CNTNAP2: variants seen among roughly 807,000 people sequenced by gnomAD.
CNTNAP2 encodes contactin-associated protein-like 2.
CNTNAP2 carries 98 observed loss-of-function variants against 155.2 expected under a neutral mutation model. That is an observed-to-expected ratio of 0.63 (90% CI 0.54 to 0.75). The LOEUF (loss-of-function observed/expected upper bound fraction) is 0.75, where lower values mean the gene tolerates loss of function less well. CNTNAP2 is among the 30% of genes least tolerant of loss of function. The pLI is 0.00. For synonymous variants in CNTNAP2, 651 were observed against 631.2 expected (o/e 1.03, Z -0.47); for missense variants, 1,727 against 1,688.1 (o/e 1.02, Z -0.40).
chr7:146,317,481 AG>A (rs1209782864), intron 1 of CNTNAP2, among the ~76,000 whole-genome samples: 1 of 152,208 alleles, frequency 6.6e-6, no homozygotes, highest in Non-Finnish European at 1.5e-5. Context: ...TTCTTTCAGC[AG>A]TAGCAATTTA....
chr7:147,851,483 T>A, intron 13 of CNTNAP2, among the ~76,000 whole-genome samples: 1 of 152,124 alleles, frequency 6.6e-6, no homozygotes, highest in African/African-American at 2.4e-5. Context: ...GTATGTTTAT[T>A]GCAGCACTAT....
At chr7:146,567,009 A>G (rs866856215) in intron 1 of CNTNAP2, among the ~76,000 whole-genome samples, 8 of 152,216 alleles carry the variant, frequency 5.3e-5, no homozygotes, top group Non-Finnish European at 8.8e-5. Context: ...ACTACACAGG[A>G]AACTATAGAC....
rs200784353 is a variant in CNTNAP2, at chr7:146,204,188, TG to T, written c.97+87218del. Among the ~76,000 whole-genome samples, 798 of 152,236 alleles carry T rather than the reference TG, an allele frequency of 5.2e-3. 6 individuals are homozygous for T. The highest frequency in any genetic ancestry group is 0.018 in the African/African-American group (755 of 41,546). ...CTAAATTATCTATTCTAAGATTAAT[TG>T]GGCCAACAATATCTTAAGAAAAGAA... On this transcript the variant is annotated intron_variant, in intron 1 of 23. Coordinates refer to ENST00000361727, the MANE Select transcript of CNTNAP2 (RefSeq NM_014141.6).
chr7:147,279,800 C>T (rs745695014), intron 8 of CNTNAP2, among the ~76,000 whole-genome samples: 151 of 151,952 alleles, frequency 9.9e-4, no homozygotes, highest in Non-Finnish European at 1.9e-3. Context: ...AATGAAATAA[C>T]TATATGATTC....
intron 8 of CNTNAP2, among the ~76,000 whole-genome samples, chr7:147,255,642 T>A (rs1398074674): frequency 1.3e-5 from 2 of 152,204 alleles, no homozygotes; most frequent in Non-Finnish European, 2.9e-5. Flanking sequence ...ATAAAAAAAA[T>A]GGAGATAAAA....
chr7:146,119,573 A>G (rs1043695694), intron 1 of CNTNAP2, among the ~76,000 whole-genome samples: 3 of 152,158 alleles, frequency 2.0e-5, no homozygotes, highest in African/African-American at 7.2e-5. Flanking sequence ...ACACGTGGGA[A>G]GTTTAAAGAA....
chr7:147,290,398 C>T (rs576032565), intron 8 of CNTNAP2, among the ~76,000 whole-genome samples: 1 of 152,168 alleles, frequency 6.6e-6, no homozygotes, highest in East Asian at 1.9e-4. Context: ...AAATATGACA[C>T]TGGCAGGGTG....
chr7:146,768,307 A>G (rs1218700220), intron 1 of CNTNAP2, among the ~76,000 whole-genome samples: 1 of 151,510 alleles, frequency 6.6e-6, no homozygotes. Flanking sequence ...CAGTTCCTCA[A>G]GAGGTCTTTT....
intron 1 of CNTNAP2, among the ~76,000 whole-genome samples, chr7:146,378,483 T>A (rs1161935114): frequency 6.6e-6 from 1 of 152,182 alleles, no homozygotes; most frequent in Non-Finnish European, 1.5e-5. Context: ...GTACTTTATG[T>A]GCATTACCTT....
At chr7:147,686,353 T>A (rs777860240) in intron 13 of CNTNAP2, among the ~76,000 whole-genome samples, 4 of 152,042 alleles carry the variant, frequency 2.6e-5, no homozygotes, top group Non-Finnish European at 4.4e-5. Flanking sequence ...TTGGGGGAAA[T>A]GTCAGAAGTT....
chr7:146,559,850 AC>A (rs1171227589), intron 1 of CNTNAP2, among the ~76,000 whole-genome samples: 1 of 47,894 alleles, frequency 2.1e-5, no homozygotes, highest in Non-Finnish European at 4.6e-5. Flanking sequence ...TAAATTACAT[AC>A]AAAAAAAATG....
intron 13 of CNTNAP2, among the ~76,000 whole-genome samples, chr7:147,827,652 AAC>A (rs907252932): frequency 9.9e-5 from 15 of 152,148 alleles, no homozygotes; most frequent in Admixed American, 2.0e-4. Context: ...TTGGGTTTTG[AAC>A]TTGCGGAATC....
At chr7:148,029,974 T>A (rs1453127836) in intron 15 of CNTNAP2, among the ~76,000 whole-genome samples, 3 of 152,220 alleles carry the variant, frequency 2.0e-5, no homozygotes, top group African/African-American at 7.2e-5. Context: ...CTAGAATCAA[T>A]GTCTTCTTAA....
At chr7:146,818,554 C>T (rs552229882) in intron 2 of CNTNAP2, among the ~76,000 whole-genome samples, 1 of 152,028 alleles carries the variant, frequency 6.6e-6, no homozygotes, top group Non-Finnish European at 1.5e-5. Flanking sequence ...AGAAAGCACA[C>T]GATGCGGAAT....
At chr7:148,103,032 G>T (rs934639058) in intron 15 of CNTNAP2, among the ~76,000 whole-genome samples, 1 of 152,050 alleles carries the variant, frequency 6.6e-6, no homozygotes, top group African/African-American at 2.4e-5. Flanking sequence ...AATGGGGAGG[G>T]GGCTTCCAGG....
At chr7:148,146,260 T>G (rs771788191) in intron 16 of CNTNAP2, among the ~76,000 whole-genome samples, 2 of 152,210 alleles carry the variant, frequency 1.3e-5, no homozygotes, top group Non-Finnish European at 2.9e-5. Flanking sequence ...TAAGCAAAGT[T>G]AGGCACTGGT....
At chr7:147,168,184 AC>A in intron 8 of CNTNAP2, among the ~76,000 whole-genome samples, 1 of 150,234 alleles carries the variant, frequency 6.7e-6, no homozygotes, top group East Asian at 1.9e-4. Context: ...ATATATAAAT[AC>A]ATATATATTA....
chr7:146,390,992 G>A (rs1199660963), intron 1 of CNTNAP2, among the ~76,000 whole-genome samples: 1 of 148,902 alleles, frequency 6.7e-6, no homozygotes, highest in Non-Finnish European at 1.5e-5. Flanking sequence ...GCTTGAACCT[G>A]GCAGGCAGAG....
intron 4 of CNTNAP2, among the ~76,000 whole-genome samples, chr7:147,102,638 A>G (rs1800680473): frequency 6.6e-6 from 1 of 152,212 alleles, no homozygotes; most frequent in Admixed American, 6.5e-5. Flanking sequence ...TTTTCCCCAA[A>G]GTAGAAGTGA....
Sources: gnomAD v4.1 joint callset for allele counts (sites outside exome capture counted in the v4.1 genomes callset) on GRCh38, gnomAD v4.1.1 for gene constraint, MANE v1.5 for transcripts, NCBI Gene and HGNC (gene_info 2026-07-23, HGNC 2026-07-21) for gene names.